DUSP5: variants seen among roughly 807,000 people sequenced by gnomAD.
DUSP5 encodes dual specificity phosphatase 5.
A neutral mutation model predicts 33.6 loss-of-function variants in DUSP5; 22 were observed. The ratio of observed to expected loss-of-function variants is 0.66; its 90% CI spans 0.47 to 0.94. DUSP5 has a LOEUF of 0.94. Ranked by LOEUF, DUSP5 falls within the 40% of genes least tolerant of loss-of-function variation. DUSP5 has a pLI of 0.00. For synonymous variants in DUSP5, 270 were observed against 231.1 expected, an observed-to-expected ratio of 1.17 and a Z score of -1.53; for missense variants, 551 against 522.1, an observed-to-expected ratio of 1.06 and a Z score of -0.54.
chr10:110,506,839 C>A, intron 2 of DUSP5, 96 bp from the exon 3 acceptor site: 1 of 1,319,324 alleles, frequency 7.6e-7, no homozygotes. Context: ...GGGAACCACC[C>A]ATCTTAAGAA....
rs773599328 is a variant in DUSP5, at chr10:110,498,435, C to T, written c.314C>T (p.Ala105Val). The change falls in exon 1 of 4, where the codon GCG becomes GTG. Residue 105 changes from alanine (A) to valine (V), a missense_variant. This residue lies in a region of DUSP5 where 381 missense variants were observed against 310.4 expected (regional missense o/e 1.23). Coordinates refer to ENST00000369583, the MANE Select transcript of DUSP5 (RefSeq NM_004419.4). ...HWQKLREESA[A>V]RVVLTSLLAC... ...CAGAAGCTGCGAGAGGAGAGCGCCGCGCGTGTCGTCCTCACCTCGCTACTC... is the reference window on the plus strand; with the variant it reads ...CAGAAGCTGCGAGAGGAGAGCGCCGTGCGTGTCGTCCTCACCTCGCTACTC... 8.5e-6 allele frequency: 13 copies of T among 1,537,032 alleles called. No homozygotes were observed. The highest frequency in any genetic ancestry group is 1.2e-5 in the South Asian group (1 of 84,636).
chr10:110,510,355 G>C lies in DUSP5; in HGVS notation c.1084G>C (p.Ala362Pro). 1 of 1,613,046 alleles carries C rather than the reference G, an allele frequency of 6.2e-7. No individual in the cohort carries two copies. The highest frequency in any genetic ancestry group is 8.5e-7 in the Non-Finnish European group (1 of 1,179,696). The part of the protein sequence containing the change: ...AYCTFPASVL[A>P]PVPTHSTVSE... ...CTGCACATTCCCTGCCTCGGTGCTG[G>C]CACCGGTGCCTACCCACTCAACAGT... Residue 362 changes from alanine to proline, a missense_variant, in exon 4 of 4, where the codon GCA becomes CCA. Physicochemically the swap from Ala to Pro is conservative, Grantham distance 27. Coordinates refer to ENST00000369583, the MANE Select transcript of DUSP5 (RefSeq NM_004419.4).
intron 1 of DUSP5, among the ~76,000 whole-genome samples, chr10:110,501,426 C>T (rs1281623290): frequency 3.3e-5 from 5 of 152,074 alleles, no homozygotes; most frequent in Non-Finnish European, 7.4e-5. Context: ...TTCCAGTGAG[C>T]TGAGAGGAAG....
rs1324606432 is a variant in DUSP5 at position 110,498,252 on chromosome 10, A to C, written c.131A>C (p.Asn44Thr). The change falls in exon 1 of 4, where the codon AAC (asparagine) becomes ACC (threonine). Residue 44 changes from asparagine to threonine, a missense_variant. Around this residue, in one of 3 missense-constraint regions of DUSP5, gnomAD observed 381 missense variants for 310.4 expected, o/e 1.23. Coordinates refer to ENST00000369583, the MANE Select transcript of DUSP5 (RefSeq NM_004419.4). ...FAASNVRGSL[N>T]VNLNSVVLRR... ...GCCTCGAACGTGCGCGGCTCGCTCA[A>C]CGTCAACCTCAACTCGGTGGTGCTG... The C allele has an allele frequency of 6.7e-7, 1 of 1,501,650 alleles. No individual in the cohort carries two copies. Among genetic ancestry groups the C allele is most frequent in the African/African-American group, 1.5e-5 (1 of 68,716 alleles). The allele number at this position is 1,501,650 out of a possible 1,614,324, so 93.0% of individuals were successfully genotyped here.
intron 1 of DUSP5, among the ~76,000 whole-genome samples, chr10:110,501,382 G>C (rs1366243791): frequency 1.3e-5 from 2 of 152,168 alleles, no homozygotes; most frequent in African/African-American, 4.8e-5. Flanking sequence ...TGACCACAGG[G>C]GAGATCTGGG....
Position 110,498,492 on chromosome 10 carries a change from T to C in DUSP5, c.371T>C (p.Phe124Ser). The C allele has an allele frequency of 6.5e-7, 1 of 1,529,106 alleles. No individual in the cohort carries two copies. The highest frequency in any genetic ancestry group is 8.7e-7 in the Non-Finnish European group (1 of 1,146,552). The allele number at this position is 1,529,106 out of a possible 1,614,324, so 94.7% of individuals were successfully genotyped here. The change falls in exon 1 of 4, where the codon TTC becomes TCC. Residue 124 changes from phenylalanine (F) to serine (S), a missense_variant. Phe to Ser is a radical substitution (Grantham distance 155). Around this residue, in one of 3 missense-constraint regions of DUSP5, gnomAD observed 381 missense variants for 310.4 expected, o/e 1.23. Coordinates refer to ENST00000369583, the MANE Select transcript of DUSP5 (RefSeq NM_004419.4). Reference sequence around the variant, plus strand: ...CTACCCGCCGGCCCGCGGGTCTACTTCCTCAAAGGTGAGCGCTCGGGGTCC... The same window carrying C: ...CTACCCGCCGGCCCGCGGGTCTACTCCCTCAAAGGTGAGCGCTCGGGGTCC... ...ACLPAGPRVY[F>S]LKGGYETFYS...
chr10:110,510,643 G>A lies in DUSP5; in HGVS notation c.*217G>A. On this transcript the variant is annotated 3_prime_UTR_variant, in exon 4 of 4. Coordinates refer to ENST00000369583, the MANE Select transcript of DUSP5 (RefSeq NM_004419.4). Reference sequence around the variant, plus strand: ...AAGGCCAAGCCATTACGGGAGCACAGCATGTGCTGACTACTGTACTTCCAG... The same window carrying A: ...AAGGCCAAGCCATTACGGGAGCACAACATGTGCTGACTACTGTACTTCCAG... 1.6e-6 allele frequency: 1 copy of A among 610,328 alleles called. No homozygotes were observed. The highest frequency in any genetic ancestry group is 2.7e-6 in the Non-Finnish European group (1 of 364,766). The allele number at this position is 610,328 out of a possible 1,614,324, so 37.8% of individuals were successfully genotyped here. A position where few individuals can be genotyped will look rare whatever the true frequency, so the allele number is the denominator to read the frequency against.
intron 2 of DUSP5, among the ~76,000 whole-genome samples, chr10:110,505,925 G>C (rs535058279): frequency 6.6e-6 from 1 of 152,190 alleles, no homozygotes; most frequent in Non-Finnish European, 1.5e-5. Context: ...GGTCTCACCA[G>C]CACCTTCAAC....
At chr10:110,501,739 C>A (rs1437566577) in intron 1 of DUSP5, among the ~76,000 whole-genome samples, 1 of 152,192 alleles carries the variant, frequency 6.6e-6, no homozygotes, top group Non-Finnish European at 1.5e-5. Flanking sequence ...GTTTCCCAAG[C>A]AAGGCTGGCC....
rs763029420 is a variant in DUSP5 at position 110,502,743 on chromosome 10, G to A, written c.402G>A (p.Ser134=). 1.5e-5 allele frequency: 24 copies of A among 1,613,596 alleles called. No individual in the cohort carries two copies. The highest frequency in any genetic ancestry group is 1.0e-4 in the Admixed American group (6 of 59,964). Residue 134 remains serine, a synonymous_variant, in exon 2 of 4, where the codon TCG becomes TCA. Coordinates refer to ENST00000369583, the MANE Select transcript of DUSP5 (RefSeq NM_004419.4). ...FLKGGYETFY[S]EYPECCVDVK... is the part of the protein sequence containing the mutation. ...TAGGGGGATATGAGACTTTCTACTC[G>A]GAATATCCTGAGTGTTGCGTGGATG...
Position 110,498,174 on chromosome 10 carries a change from A to AGGC in DUSP5, c.61_63dup (p.Ala21dup), listed in dbSNP as rs755934213. 1.3e-5 allele frequency: 19 copies of AGGC among 1,491,976 alleles called. No individual in the cohort carries two copies. Among genetic ancestry groups the AGGC allele is most frequent in the Admixed American group, 1.2e-4 (6 of 50,598 alleles). The allele number at this position is 1,491,976 out of a possible 1,614,324, so 92.4% of individuals were successfully genotyped here. On this transcript the variant is annotated inframe_insertion, in exon 1 of 4. Coordinates refer to ENST00000369583, the MANE Select transcript of DUSP5 (RefSeq NM_004419.4). ...CAGCTGCGCAAGATGCTCCGCAAGG[A>AGGC]GGCGGCGGCGCGCTGCGTGGTGCTC...
chr10:110,507,233 A>C (rs2134663147), intron 3 of DUSP5, 79 bp downstream of exon 3: 2 of 1,413,436 alleles, frequency 1.4e-6, no homozygotes. Context: ...GCCCTGATGG[A>C]AGCTACCTTC....
chr10:110,507,063 C>CAT lies in DUSP5; in HGVS notation c.657_658insAT (p.Ala220MetfsTer28), dbSNP rs1330425819. The CAT allele has an allele frequency of 6.2e-7, 1 of 1,614,242 alleles. No individual in the cohort carries two copies. Among genetic ancestry groups the CAT allele is most frequent in the Non-Finnish European group, 8.5e-7 (1 of 1,180,050 alleles). On this transcript the variant is annotated frameshift_variant, in exon 3 of 4. Transcript: ENST00000369583. LOFTEE classifies it high-confidence loss of function. ...TCTCCCGACGGACCTCCGAGGCCTGCGCGACCCACCTACACTACAAATGGA... is the reference window on the plus strand; with the variant it reads ...TCTCCCGACGGACCTCCGAGGCCTGCATGCGACCCACCTACACTACAAATGGA...
In DUSP5 at chr10:110,510,051, G is replaced by A; in HGVS notation, c.780G>A (p.Leu260=). 6.2e-7 allele frequency: 1 copy of A among 1,610,790 alleles called. No individual in the cohort carries two copies. The highest frequency in any genetic ancestry group is 2.2e-5 in the East Asian group (1 of 44,810). ...DCVREKGGKV[L]VHCEAGISRS... ...TCAGGGAAAAGGGAGGCAAGGTCCT[G>A]GTCCACTGTGAGGCTGGGATCTCCC... is the stretch of plus-strand genomic sequence containing the variant. Residue 260 remains leucine (L), a synonymous_variant, in exon 4 of 4, where the codon CTG becomes CTA. Coordinates refer to ENST00000369583, the MANE Select transcript of DUSP5 (RefSeq NM_004419.4).
At chr10:110,508,130 C>G (rs1860140914) in intron 3 of DUSP5, among the ~76,000 whole-genome samples, 1 of 152,156 alleles carries the variant, frequency 6.6e-6, no homozygotes, top group African/African-American at 2.4e-5. Flanking sequence ...CATAGTGGCC[C>G]TCTGTTCACC....
chr10:110,510,155 A>G lies in DUSP5; in HGVS notation c.884A>G (p.Gln295Arg), dbSNP rs1159215437. 1.2e-6 allele frequency: 2 copies of G among 1,614,244 alleles called. No individual in the cohort carries two copies. Among genetic ancestry groups the G allele is most frequent in the Non-Finnish European group, 8.5e-7 (1 of 1,180,048 alleles). Residue 295 changes from glutamine (Q) to arginine (R), a missense_variant, in exon 4 of 4, where the codon CAG becomes CGG. Transcript: ENST00000369583. ...RLKEAFDYIKQRRSMVSPNFG... is the reference protein window; with the variant it reads ...RLKEAFDYIKRRRSMVSPNFG... The stretch of plus-strand genomic sequence containing the variant: ...AAGGAGGCCTTCGATTACATCAAGC[A>G]GAGGAGGAGCATGGTCTCGCCCAAC...
chr10:110,508,302 C>T (rs931233476), intron 3 of DUSP5, among the ~76,000 whole-genome samples: 2 of 152,166 alleles, frequency 1.3e-5, no homozygotes, highest in Non-Finnish European at 2.9e-5. Context: ...TTGACTTGTT[C>T]TCCCTGTCCC....
In DUSP5 at chr10:110,498,229, C is replaced by T. The variant is rs138355284; in HGVS notation, c.108C>T (p.Ala36=). 129 of 1,514,280 alleles carry T rather than the reference C, an allele frequency of 8.5e-5. No individual in the cohort carries two copies. The highest frequency in any genetic ancestry group is 7.5e-5 in the Non-Finnish European group (85 of 1,131,286). The allele number at this position is 1,514,280 out of a possible 1,614,324, so 93.8% of individuals were successfully genotyped here. A position where few individuals can be genotyped will look rare whatever the true frequency, so the allele number is the denominator to read the frequency against. The change falls in exon 1 of 4, where the codon GCC becomes GCT. Residue 36 remains alanine, a synonymous_variant. Coordinates refer to ENST00000369583, the MANE Select transcript of DUSP5 (RefSeq NM_004419.4). Reference sequence around the variant, plus strand: ...GCCGGCCCTATCTGGCCTTCGCTGCCTCGAACGTGCGCGGCTCGCTCAACG... The same window carrying T: ...GCCGGCCCTATCTGGCCTTCGCTGCTTCGAACGTGCGCGGCTCGCTCAACG... ...LDCRPYLAFA[A]SNVRGSLNVN...
Position 110,506,996 on chromosome 10 carries a change from G to GCATGGTAGTGGC in DUSP5, c.591_592insATGGTAGTGGCC (p.Cys197_Glu198insMetValValAla), listed in dbSNP as rs1860126126. The GCATGGTAGTGGC allele has an allele frequency of 6.2e-7, 1 of 1,614,134 alleles. No individual in the cohort carries two copies. The highest frequency in any genetic ancestry group is 1.3e-5 in the African/African-American group (1 of 74,946). On this transcript the variant is annotated inframe_insertion, in exon 3 of 4. Coordinates refer to ENST00000369583, the MANE Select transcript of DUSP5 (RefSeq NM_004419.4). ...GGAAGTGCCTACCATGCATCCAAGT[G>GCATGGTAGTGGC]CGAGTTCCTCGCCAACCTGCACATC...
Sources: allele counts gnomAD v4.1 joint callset (sites outside exome capture counted in the v4.1 genomes callset), GRCh38; gene constraint gnomAD v4.1.1; regional missense constraint gnomAD v4.1.1; transcripts MANE v1.5; gene names NCBI Gene and HGNC (gene_info 2026-07-23, HGNC 2026-07-21).